The following RAD51B variants were observed in gnomAD, a reference collection of about 807,000 sequenced individuals.
RAD51B encodes RAD51 paralog B.
A neutral mutation model predicts 42.2 loss-of-function variants in RAD51B; 38 were observed. The observed-to-expected ratio is 0.90, with a 90% CI of 0.70 to 1.18. RAD51B has a LOEUF of 1.18. RAD51B is among the 50% of genes most tolerant of loss of function. RAD51B has a pLI of 0.00. For synonymous variants in RAD51B, 154 were observed against 145.2 expected (o/e 1.06, Z -0.43); for missense variants, 373 against 400.7 (o/e 0.93, Z 0.59).
intron 8 of RAD51B, among the ~76,000 whole-genome samples, chr14:68,357,286 G>A (rs1241735031): frequency 2.0e-5 from 3 of 152,172 alleles, no homozygotes; most frequent in African/African-American, 2.4e-5. Context: ...GTTTTGTCAT[G>A]AGATTGCAGC....
chr14:68,186,778 T>A lies in RAD51B; in HGVS notation c.757-105106T>A, dbSNP rs150573938. The stretch of plus-strand genomic sequence containing the variant: ...CACTGTTGGTGGGAATGTAAATTAT[T>A]TCAGCCACTGTGGAAAGCAGTTTGG... On this transcript the variant is annotated intron_variant, in intron 7 of 10. Transcript: ENST00000471583. Among the ~76,000 whole-genome samples, 82 of 152,298 alleles carry A rather than the reference T, an allele frequency of 5.4e-4. 2 individuals carry two copies. The East Asian group carries it at 0.013, about 25-fold the overall frequency.
At chr14:68,394,684 A>T (rs946456696) in intron 8 of RAD51B, among the ~76,000 whole-genome samples, 1 of 152,176 alleles carries the variant, frequency 6.6e-6, no homozygotes, top group African/African-American at 2.4e-5. Context: ...CAAGGTATCT[A>T]CTTTATCCCA....
intron 7 of RAD51B, among the ~76,000 whole-genome samples, chr14:68,101,013 TA>T (rs1181913368): frequency 6.6e-6 from 1 of 152,132 alleles, no homozygotes; most frequent in East Asian, 1.9e-4. Flanking sequence ...GGGAAGCAAA[TA>T]TGTCCTTCTT....
At chr14:68,415,326 A>G (rs1182981754) in intron 9 of RAD51B, among the ~76,000 whole-genome samples, 5 of 152,146 alleles carry the variant, frequency 3.3e-5, no homozygotes, top group Non-Finnish European at 7.4e-5. Flanking sequence ...AAACAGGAGG[A>G]TAGGCTGCAT....
chr14:67,947,301 G>T (rs2045429039), intron 7 of RAD51B, among the ~76,000 whole-genome samples: 1 of 152,140 alleles, frequency 6.6e-6, no homozygotes, highest in African/African-American at 2.4e-5. Context: ...TTATTCCGGG[G>T]GTTAGGAAAT....
chr14:68,570,873 C>CCACACACA (rs9323516), intron 10 of RAD51B, among the ~76,000 whole-genome samples: 27,417 of 150,226 alleles, frequency 0.18, 3,091 homozygotes, highest in Non-Finnish European at 0.26. Context: ...GGCTGGAGCG[C>CCACACACA]CACACACACA....
chr14:68,542,284 G>T (rs753687097), intron 10 of RAD51B, among the ~76,000 whole-genome samples: 1 of 151,920 alleles, frequency 6.6e-6, no homozygotes, highest in Non-Finnish European at 1.5e-5. Flanking sequence ...GCAAATATTT[G>T]GTCATTGTCT....
chr14:68,464,209 C>A (rs2085918280), intron 9 of RAD51B, among the ~76,000 whole-genome samples: 1 of 152,128 alleles, frequency 6.6e-6, no homozygotes, highest in Admixed American at 6.5e-5. Flanking sequence ...TTTTTGTCTT[C>A]TGTTACCTTC....
At chr14:68,526,189 G>A (rs377434214) in intron 10 of RAD51B, among the ~76,000 whole-genome samples, 2 of 152,158 alleles carry the variant, frequency 1.3e-5, no homozygotes, top group East Asian at 3.9e-4. Context: ...TGTTTCTATC[G>A]TTGTTATTAT....
chr14:68,046,882 A>T (rs140324412), intron 7 of RAD51B, among the ~76,000 whole-genome samples: 2 of 152,098 alleles, frequency 1.3e-5, no homozygotes, highest in Non-Finnish European at 2.9e-5. Flanking sequence ...TGTAGTGTTT[A>T]TAAGAAGTCT....
chr14:68,355,467 G>A (rs899497465), intron 8 of RAD51B, among the ~76,000 whole-genome samples: 6 of 151,670 alleles, frequency 4.0e-5, no homozygotes, highest in South Asian at 2.1e-4. Flanking sequence ...ATTTAATCTC[G>A]CCCATCTATT....
rs71129897 is a variant in RAD51B, at chr14:68,549,409, A to ATTTTTTTTTTTTT, written c.1037-45064_1037-45052dup. On this transcript the variant is annotated intron_variant, in intron 10 of 10. Coordinates refer to the RAD51B transcript ENST00000487270. The stretch of plus-strand genomic sequence containing the variant: ...AGTGCTTCATCCATGCCCTGGACAC[A>ATTTTTTTTTTTTT]TTTTTTTTTTTTTTTTTTTTTTTTG... Among the ~76,000 whole-genome samples, 20 of 63,576 alleles carry ATTTTTTTTTTTTT rather than the reference A, an allele frequency of 3.1e-4. 2 individuals carry two copies. Among genetic ancestry groups the ATTTTTTTTTTTTT allele is most frequent in the African/African-American group, 3.8e-4 (8 of 20,798 alleles). The allele number at this position is 63,576 out of a possible 152,430, so 41.7% of individuals were successfully genotyped here.
intron 7 of RAD51B, among the ~76,000 whole-genome samples, chr14:67,891,575 TTTA>T (rs2043220325): frequency 6.6e-6 from 1 of 152,090 alleles, no homozygotes; most frequent in African/African-American, 2.4e-5. Context: ...GGTTAAATTT[TTTA>T]TTATTATTTG....
intron 10 of RAD51B, among the ~76,000 whole-genome samples, chr14:68,624,909 C>T (rs1041452299): frequency 2.0e-5 from 3 of 152,106 alleles, no homozygotes; most frequent in East Asian, 1.9e-4. Context: ...CCGGTGGTTC[C>T]GAAGCGCCTG....
Position 67,835,215 on chromosome 14 carries a change from G to T in RAD51B, c.315+19G>T. 1 of 1,557,794 alleles carries T rather than the reference G, an allele frequency of 6.4e-7. No homozygotes were observed. Among genetic ancestry groups the T allele is most frequent in the East Asian group, 2.2e-5 (1 of 44,550 alleles). On this transcript the variant is annotated intron_variant, in intron 4 of 10. Coordinates refer to ENST00000471583, the MANE Select transcript of RAD51B (RefSeq NM_133510.4). Reference sequence around the variant, plus strand: ...CACAGAGGTAAAGGAAAAATTTTTCGTACCTTCTTCCATTGACCTATAACC... The same window carrying T: ...CACAGAGGTAAAGGAAAAATTTTTCTTACCTTCTTCCATTGACCTATAACC...
chr14:68,537,091 T>C (rs1266017387), intron 10 of RAD51B, among the ~76,000 whole-genome samples: 1 of 16,756 alleles, frequency 6.0e-5, no homozygotes. Flanking sequence ...AGGTCCTGTC[T>C]CAAAAAAAAA....
At chr14:68,595,848 G>A (rs1027768634) in exon 11 of RAD51B, 5 of 292,330 alleles carry the variant, frequency 1.7e-5, no homozygotes, top group African/African-American at 8.6e-5. Context: ...TAAGAAAAAA[G>A]TATTATGTGC....
At chr14:67,937,728 C>T (rs1223714565) in intron 7 of RAD51B, among the ~76,000 whole-genome samples, 1 of 152,058 alleles carries the variant, frequency 6.6e-6, no homozygotes, top group Admixed American at 6.5e-5. Flanking sequence ...CTCATTGGTC[C>T]ATCTCTCCCA....
intron 7 of RAD51B, among the ~76,000 whole-genome samples, chr14:67,970,407 G>A (rs1360975784): frequency 6.6e-6 from 1 of 152,100 alleles, no homozygotes; most frequent in Admixed American, 6.6e-5. Context: ...TTTGTAAGTT[G>A]TAGGAGCCAG....
Sources: allele counts gnomAD v4.1 joint callset (sites outside exome capture counted in the v4.1 genomes callset), GRCh38; gene constraint gnomAD v4.1.1; transcripts MANE v1.5; gene names NCBI Gene and HGNC (gene_info 2026-07-23, HGNC 2026-07-21).